OLA1: variants seen among roughly 807,000 people sequenced by gnomAD.
The protein encoded by OLA1 is obg-like ATPase 1.
A neutral mutation model predicts 48.4 loss-of-function variants in OLA1; 14 were observed. The ratio of observed to expected loss-of-function variants is 0.29; its 90% CI spans 0.19 to 0.45. The LOEUF (loss-of-function observed/expected upper bound fraction) is 0.45. OLA1 is among the 20% of genes least tolerant of loss of function. The probability of loss-of-function intolerance (pLI) is 1.00; values close to 1 mark genes in which losing one functional copy is unlikely to be tolerated. For synonymous variants in OLA1, 127 were observed against 150.4 expected, an observed-to-expected ratio of 0.84 and a Z score of 1.14; for missense variants, 325 against 467.1, an observed-to-expected ratio of 0.70 and a Z score of 2.80.
Position 174,079,027 on chromosome 2 carries a change from T to C in OLA1, c.1030A>G (p.Met344Val), listed in dbSNP as rs556956854. The C allele has an allele frequency of 8.1e-6, 13 of 1,604,628 alleles. No homozygotes were observed. In the Admixed American group the frequency reaches 1.5e-4, roughly 19 times the overall value. The stretch of plus-strand genomic sequence containing the variant: ...TCTTCGTATTTCATTACTTCAGCCA[T>C]AATGAATCCCTTTTCAAAATCTGTG... ...IHTDFEKGFIMAEVMKYEDFK... is the reference protein window; with the variant it reads ...IHTDFEKGFIVAEVMKYEDFK... The change falls in exon 10 of 11, where the codon ATG becomes GTG. Residue 344 changes from methionine (M) to valine (V), a missense_variant. By Grantham distance (21) the Met-to-Val change is conservative. Coordinates refer to ENST00000284719, the MANE Select transcript of OLA1 (RefSeq NM_013341.5).
At chr2:174,185,425 G>T (rs193213665) in intron 4 of OLA1, among the ~76,000 whole-genome samples, 168 of 152,272 alleles carry the variant, frequency 1.1e-3, no homozygotes, top group African/African-American at 3.8e-3. Context: ...ACTAAAATAG[G>T]TAGGCAAAAG....
At chr2:174,158,676 C>T (rs1258789213) in intron 4 of OLA1, among the ~76,000 whole-genome samples, 3 of 152,092 alleles carry the variant, frequency 2.0e-5, no homozygotes, top group East Asian at 1.9e-4. Context: ...ATATTATCAA[C>T]GATCCTCCTG....
Position 174,074,208 on chromosome 2 carries a change from T to A in OLA1, c.*1218A>T, listed in dbSNP as rs1359598868. 6.6e-6 allele frequency: 1 copy of A among 152,124 alleles called. No individual in the cohort carries two copies. The highest frequency in any genetic ancestry group is 1.9e-4 in the East Asian group (1 of 5,182). The allele number at this position is 152,124 out of a possible 1,614,324, so 9.4% of individuals were successfully genotyped here. The stretch of plus-strand genomic sequence containing the variant: ...AAGGCTGGCTGGGTATGAATCTGCA[T>A]TCCATGGAAATGGTCCTGTGATCAC... On this transcript the variant is annotated 3_prime_UTR_variant, in exon 11 of 11. Transcript: ENST00000284719.
intron 2 of OLA1, among the ~76,000 whole-genome samples, chr2:174,235,398 T>G (rs1338438291): frequency 6.6e-6 from 1 of 152,318 alleles, no homozygotes. Context: ...TCATTTAAAA[T>G]GGTTTTGGGG....
In OLA1 at chr2:174,081,135, A is replaced by G. The variant is rs1441654142; in HGVS notation, c.966+17T>C. The G allele has an allele frequency of 1.9e-6, 3 of 1,593,718 alleles. No individual in the cohort carries two copies. Among genetic ancestry groups the G allele is most frequent in the South Asian group, 2.2e-5 (2 of 90,668 alleles). On this transcript the variant is annotated intron_variant, in intron 9 of 10. Coordinates refer to ENST00000284719, the MANE Select transcript of OLA1 (RefSeq NM_013341.5). ...GTGTGGAACTGGATATAGCTGATGA[A>G]TAAGTATGAATCTTACCCTGATGGT... is the stretch of plus-strand genomic sequence containing the variant.
At chr2:174,109,860 C>T (rs1467253973) in intron 7 of OLA1, among the ~76,000 whole-genome samples, 7 of 152,070 alleles carry the variant, frequency 4.6e-5, no homozygotes, top group East Asian at 1.9e-4. Flanking sequence ...TGTGAAGGTT[C>T]GTTACATGAA....
In OLA1 at chr2:174,075,590, G is replaced by A. The variant is rs1012037579; in HGVS notation, c.1090-63C>T. ...TTACAACTAAATACATGGGGTAAAT[G>A]GTGGCAGCAGATATAAAAAGTATTA... is the stretch of plus-strand genomic sequence containing the variant. On this transcript the variant is annotated intron_variant, in intron 10 of 10. Coordinates refer to ENST00000284719, the MANE Select transcript of OLA1 (RefSeq NM_013341.5). The A allele has an allele frequency of 8.3e-6, 8 of 959,908 alleles. No homozygotes were observed. In the East Asian group the frequency reaches 1.9e-4, roughly 23 times the overall value. The allele number at this position is 959,908 out of a possible 1,614,324, so 59.5% of individuals were successfully genotyped here.
intron 4 of OLA1, among the ~76,000 whole-genome samples, chr2:174,159,756 C>T (rs1343068518): frequency 2.0e-5 from 3 of 152,018 alleles, no homozygotes; most frequent in Non-Finnish European, 4.4e-5. Flanking sequence ...ATTGCTATTC[C>T]TATCTATATA....
chr2:174,159,871 GA>G (rs1686972722), intron 4 of OLA1, among the ~76,000 whole-genome samples: 1 of 151,892 alleles, frequency 6.6e-6, no homozygotes. Context: ...AGTATTTAAA[GA>G]AAATGTTTTT....
intron 2 of OLA1, among the ~76,000 whole-genome samples, chr2:174,236,417 A>T (rs185481385): frequency 6.6e-6 from 1 of 152,200 alleles, no homozygotes; most frequent in Non-Finnish European, 1.5e-5. Context: ...TACACTGGAC[A>T]TGATTAACAG....
intron 4 of OLA1, among the ~76,000 whole-genome samples, chr2:174,158,316 G>A (rs1012306190): frequency 6.6e-6 from 1 of 151,862 alleles, no homozygotes; most frequent in Non-Finnish European, 1.5e-5. Flanking sequence ...TACAGTGATC[G>A]CATATTTTAT....
At chr2:174,088,532 T>C (rs556967167) in intron 7 of OLA1, among the ~76,000 whole-genome samples, 1 of 152,230 alleles carries the variant, frequency 6.6e-6, no homozygotes, top group Non-Finnish European at 1.5e-5. Flanking sequence ...TTCTCAACTC[T>C]TCAAAATTCT....
chr2:174,132,542 C>T (rs1256095839), intron 5 of OLA1, among the ~76,000 whole-genome samples: 9 of 152,076 alleles, frequency 5.9e-5, no homozygotes, highest in Admixed American at 2.0e-4. Flanking sequence ...TGGTATATTG[C>T]ATGTTTATTA....
At chr2:174,190,316 T>A (rs79473421) in intron 4 of OLA1, among the ~76,000 whole-genome samples, 1,600 of 152,248 alleles carry the variant, frequency 0.011, 32 homozygotes, top group African/African-American at 0.036. Context: ...TTAAATTTGT[T>A]TAGTATTTCT....
chr2:174,198,651 G>A (rs1687929013), intron 4 of OLA1, among the ~76,000 whole-genome samples: 1 of 151,980 alleles, frequency 6.6e-6, no homozygotes, highest in South Asian at 2.1e-4. Flanking sequence ...TATGGCAGTG[G>A]GCACCTGTAA....
At chr2:174,098,864 A>G (rs1365336202) in intron 7 of OLA1, among the ~76,000 whole-genome samples, 23 of 152,192 alleles carry the variant, frequency 1.5e-4, no homozygotes, top group Non-Finnish European at 1.5e-5. Context: ...ATTTTCCTAA[A>G]CAGAATTCTG....
chr2:174,168,454 G>C (rs1473143923), intron 4 of OLA1, among the ~76,000 whole-genome samples: 1 of 151,932 alleles, frequency 6.6e-6, no homozygotes, highest in African/African-American at 2.4e-5. Context: ...TCGCCATAAT[G>C]TAACATTCAT....
intron 5 of OLA1, among the ~76,000 whole-genome samples, chr2:174,133,682 G>A (rs927993932): frequency 2.0e-5 from 3 of 152,176 alleles, no homozygotes; most frequent in Non-Finnish European, 4.4e-5. Flanking sequence ...TAACCCCAAC[G>A]TAAGTCCAGG....
At chr2:174,092,388 T>G (rs1178672609) in intron 7 of OLA1, among the ~76,000 whole-genome samples, 9 of 152,098 alleles carry the variant, frequency 5.9e-5, no homozygotes, top group Middle Eastern at 3.4e-3. Flanking sequence ...GCCAGGTATC[T>G]GGGTGGTGGC....
Sources: allele counts gnomAD v4.1 joint callset (sites outside exome capture counted in the v4.1 genomes callset), GRCh38; gene constraint gnomAD v4.1.1; transcripts MANE v1.5; gene names NCBI Gene and HGNC (gene_info 2026-07-23, HGNC 2026-07-21).